Variants in PRDM6 observed in about 807,000 individuals in gnomAD.
PRDM6 encodes putative histone-lysine N-methyltransferase PRDM6.
A neutral mutation model predicts 60.8 loss-of-function variants in PRDM6; 25 were observed. The observed-to-expected ratio is 0.41, with a 90% CI of 0.30 to 0.57. The LOEUF (loss-of-function observed/expected upper bound fraction) is 0.57, where lower values mean the gene tolerates loss of function less well. Ranked by LOEUF, PRDM6 falls within the 20% of genes least tolerant of loss-of-function variation. The pLI is 0.27. For synonymous variants in PRDM6, 407 were observed against 357.4 expected (o/e 1.14, Z -1.57); for missense variants, 839 against 821.3 (o/e 1.02, Z -0.26).
intron 6 of PRDM6, among the ~76,000 whole-genome samples, chr5:123,172,184 A>G (rs1765905823): frequency 1.3e-5 from 2 of 152,108 alleles, no homozygotes; most frequent in Admixed American, 6.5e-5. Flanking sequence ...CAGTGTGCCT[A>G]GAAAACCCAA....
At chr5:123,186,373 G>T (rs1253673643) in intron 7 of PRDM6, among the ~76,000 whole-genome samples, 2 of 152,092 alleles carry the variant, frequency 1.3e-5, no homozygotes, top group African/African-American at 2.4e-5. Flanking sequence ...TTTTGTTGTT[G>T]TTTCTCATTT....
chr5:123,171,952 T>A (rs1313456720), intron 6 of PRDM6, among the ~76,000 whole-genome samples: 1 of 152,228 alleles, frequency 6.6e-6, no homozygotes, highest in African/African-American at 2.4e-5. Flanking sequence ...CTCTCCTTCA[T>A]GTTCTATGAA....
At chr5:123,153,958 G>T (rs1176669619) in intron 3 of PRDM6, among the ~76,000 whole-genome samples, 1 of 152,158 alleles carries the variant, frequency 6.6e-6, no homozygotes, top group Non-Finnish European at 1.5e-5. Flanking sequence ...AGGGAAGGGA[G>T]GGTAGGGGGC....
chr5:123,152,180 C>G (rs1355280344), intron 3 of PRDM6, among the ~76,000 whole-genome samples: 1 of 152,122 alleles, frequency 6.6e-6, no homozygotes. Flanking sequence ...CTGTAATGGA[C>G]TGATTTTCAG....
At chr5:123,183,826 G>T (rs2126892893) in intron 7 of PRDM6, among the ~76,000 whole-genome samples, 1 of 152,302 alleles carries the variant, frequency 6.6e-6, no homozygotes, top group East Asian at 1.9e-4. Context: ...ACTAAACAGT[G>T]TCTTGATATT....
chr5:123,179,367 A>G (rs1229210633), intron 6 of PRDM6, among the ~76,000 whole-genome samples: 1 of 152,202 alleles, frequency 6.6e-6, no homozygotes, highest in African/African-American at 2.4e-5. Context: ...GCCAGATTCA[A>G]CTGGGGAGGT....
chr5:123,118,612 G>A (rs1446187575), intron 3 of PRDM6, among the ~76,000 whole-genome samples: 1 of 152,208 alleles, frequency 6.6e-6, no homozygotes, highest in East Asian at 1.9e-4. Context: ...GAATTTCAAT[G>A]ACCAAAGCAC....
intron 3 of PRDM6, among the ~76,000 whole-genome samples, chr5:123,146,968 T>A (rs939915411): frequency 2.6e-5 from 4 of 152,200 alleles, no homozygotes; most frequent in Non-Finnish European, 5.9e-5. Flanking sequence ...ACAGGTTTTC[T>A]TGATTAGTTA....
intron 6 of PRDM6, among the ~76,000 whole-genome samples, chr5:123,177,138 G>C (rs1267650864): frequency 6.6e-6 from 1 of 152,214 alleles, no homozygotes; most frequent in Non-Finnish European, 1.5e-5. Flanking sequence ...TGTTGGGCCT[G>C]AAGATTTAAT....
chr5:123,090,615 C>T lies in PRDM6; in HGVS notation c.592+9C>T. 1.3e-6 allele frequency: 2 copies of T among 1,516,638 alleles called. No homozygotes were observed. Among genetic ancestry groups the T allele is most frequent in the Non-Finnish European group, 1.8e-6 (2 of 1,139,970 alleles). The allele number at this position is 1,516,638 out of a possible 1,614,324, so 93.9% of individuals were successfully genotyped here. ...CAGCGACCCCAACAACCGTACGTAG[C>T]CGCAGCCCGCGCGCTCTCTCCCGGG... is the stretch of plus-strand genomic sequence containing the variant. On this transcript the variant is annotated intron_variant, in intron 2 of 7. Transcript: ENST00000407847.
rs1362329689 is a variant in PRDM6 at position 123,191,756 on chromosome 5, G to T, written c.*4555G>T. 5.3e-5 allele frequency: 8 copies of T among 152,046 alleles called. No individual in the cohort carries two copies. Among genetic ancestry groups the T allele is most frequent in the Non-Finnish European group, 1.2e-4 (8 of 68,016 alleles). The allele number at this position is 152,046 out of a possible 1,614,324, so 9.4% of individuals were successfully genotyped here. A position where few individuals can be genotyped will look rare whatever the true frequency, so the allele number is the denominator to read the frequency against. On this transcript the variant is annotated 3_prime_UTR_variant, in exon 8 of 8. Transcript: ENST00000407847. The stretch of plus-strand genomic sequence containing the variant: ...GAACTACCACAAAACAACAACGCAG[G>T]TTACTAGGAAGGCACCTATTTCAGC...
intron 3 of PRDM6, among the ~76,000 whole-genome samples, chr5:123,108,587 G>A (rs532213844): frequency 1.3e-5 from 2 of 152,130 alleles, no homozygotes; most frequent in Non-Finnish European, 2.9e-5. Context: ...GGGCTACTAA[G>A]GAAAGCACTT....
intron 1 of PRDM6, among the ~76,000 whole-genome samples, 182 bp downstream of exon 1, chr5:123,089,701 G>A (rs1763759398): frequency 6.6e-6 from 1 of 152,160 alleles, no homozygotes; most frequent in African/African-American, 2.4e-5. Flanking sequence ...GGCGGGGGCT[G>A]CGTCCTGCAG....
chr5:123,162,622 G>T (rs1346092797), intron 5 of PRDM6, among the ~76,000 whole-genome samples: 1 of 152,156 alleles, frequency 6.6e-6, no homozygotes, highest in Non-Finnish European at 1.5e-5. Flanking sequence ...TCTAAGTAAG[G>T]GTTGAGGGAA....
At chr5:123,178,800 A>G (rs1355481470) in intron 6 of PRDM6, among the ~76,000 whole-genome samples, 2 of 152,184 alleles carry the variant, frequency 1.3e-5, no homozygotes, top group Non-Finnish European at 2.9e-5. Context: ...ATGAGAGGGT[A>G]CACTTTATTT....
intron 3 of PRDM6, among the ~76,000 whole-genome samples, chr5:123,104,281 G>T (rs898439759): frequency 6.8e-5 from 10 of 146,168 alleles, no homozygotes; most frequent in Admixed American, 5.3e-4. Context: ...AGAAGAAAAT[G>T]AATTGATTTC....
chr5:123,125,981 G>T (rs1488478595), intron 3 of PRDM6, among the ~76,000 whole-genome samples: 2 of 151,300 alleles, frequency 1.3e-5, no homozygotes, highest in African/African-American at 4.9e-5. Context: ...TGTTTACTTT[G>T]TTGTGCTTAT....
intron 2 of PRDM6, among the ~76,000 whole-genome samples, chr5:123,094,367 G>C (rs73796821): frequency 1.8e-4 from 27 of 152,132 alleles, no homozygotes; most frequent in African/African-American, 6.5e-4. Flanking sequence ...ACCAGCGAGC[G>C]CCTTAGATTG....
At chr5:123,179,701 G>A (rs138816098) in intron 6 of PRDM6, among the ~76,000 whole-genome samples, 274 of 151,210 alleles carry the variant, frequency 1.8e-3, no homozygotes, top group African/African-American at 6.4e-3. Context: ...TGCCTTCTCT[G>A]TCCCAGGGGA....
Sources: gnomAD v4.1 joint callset for allele counts (sites outside exome capture counted in the v4.1 genomes callset) on GRCh38, gnomAD v4.1.1 for gene constraint, MANE v1.5 for transcripts, NCBI Gene and HGNC (gene_info 2026-07-23, HGNC 2026-07-21) for gene names.